PLEKHA7: variants seen among roughly 807,000 people sequenced by gnomAD.
PLEKHA7 encodes the protein pleckstrin homology domain containing A7.
A neutral mutation model predicts 170.0 loss-of-function variants in PLEKHA7; 104 were observed. The ratio of observed to expected loss-of-function variants is 0.61; its 90% CI spans 0.52 to 0.72. PLEKHA7 has a LOEUF of 0.72. PLEKHA7 is among the 30% of genes least tolerant of loss of function. The probability of loss-of-function intolerance (pLI) is 0.00; values close to 1 mark genes in which losing one functional copy is unlikely to be tolerated. For synonymous variants in PLEKHA7, 648 were observed against 660.8 expected, an observed-to-expected ratio of 0.98 and a Z score of 0.30; for missense variants, 1,615 against 1,671.7, an observed-to-expected ratio of 0.97 and a Z score of 0.59.
chr11:16,910,006 T>A (rs776093581), intron 3 of PLEKHA7, among the ~76,000 whole-genome samples: 1 of 152,064 alleles, frequency 6.6e-6, no homozygotes, highest in Non-Finnish European at 1.5e-5. Context: ...AGATCAAATT[T>A]AAAGTGGGAG....
chr11:16,791,241 G>A lies in PLEKHA7; in HGVS notation c.2746-42C>T, dbSNP rs776081453. On this transcript the variant is annotated intron_variant, in intron 19 of 26. Transcript: ENST00000531066. This position sits in a 1 kb window ranked among gnomAD's most constrained non-coding sequence, Gnocchi z 4.5. ...CCAGACCAGTGGTCAGCGAGACGGA[G>A]CTGGAGGGAGGACTGCTAGGTACTG... The A allele has an allele frequency of 9.8e-6, 15 of 1,530,918 alleles. No homozygotes were observed. Among genetic ancestry groups the A allele is most frequent in the Non-Finnish European group, 1.8e-6 (2 of 1,134,676 alleles). The allele number at this position is 1,530,918 out of a possible 1,614,324, so 94.8% of individuals were successfully genotyped here. A position where few individuals can be genotyped will look rare whatever the true frequency, so the allele number is the denominator to read the frequency against.
chr11:16,829,938 A>C (rs401820), intron 9 of PLEKHA7, among the ~76,000 whole-genome samples: 24,244 of 151,450 alleles, frequency 0.16, 2,347 homozygotes, highest in African/African-American at 0.27. Flanking sequence ...ATTAGTGTAA[A>C]CTGAACCAAC....
chr11:16,876,955 G>A (rs1345835287), intron 3 of PLEKHA7, among the ~76,000 whole-genome samples: 1 of 152,122 alleles, frequency 6.6e-6, no homozygotes, highest in Non-Finnish European at 1.5e-5. Context: ...TGATAAATCT[G>A]GTTTTCTGAC....
At chr11:16,922,312 C>T (rs1859157192) in intron 3 of PLEKHA7, among the ~76,000 whole-genome samples, 1 of 152,188 alleles carries the variant, frequency 6.6e-6, no homozygotes, top group African/African-American at 2.4e-5. Flanking sequence ...TTACAATCAT[C>T]TCATACAATT....
intron 3 of PLEKHA7, among the ~76,000 whole-genome samples, chr11:16,920,479 C>CAA (rs1244258942): frequency 6.6e-6 from 1 of 152,214 alleles, no homozygotes; most frequent in Non-Finnish European, 1.5e-5. Context: ...CAAAATCCAT[C>CAA]AAAATATGGA....
intron 3 of PLEKHA7, among the ~76,000 whole-genome samples, chr11:17,006,848 G>T (rs1865028985): frequency 1.3e-5 from 2 of 152,138 alleles, no homozygotes; most frequent in Admixed American, 1.3e-4. Flanking sequence ...TTTCCTAAGG[G>T]CCTTCTAGGC....
intron 9 of PLEKHA7, among the ~76,000 whole-genome samples, chr11:16,838,644 G>A (rs1276303395): frequency 2.0e-5 from 3 of 150,254 alleles, no homozygotes; most frequent in Admixed American, 2.0e-4. Context: ...ATCAACTATT[G>A]GCAAAGATAT....
chr11:16,898,357 A>C (rs1857124494), intron 3 of PLEKHA7, among the ~76,000 whole-genome samples: 1 of 152,184 alleles, frequency 6.6e-6, no homozygotes, highest in African/African-American at 2.4e-5. Context: ...TTCATAAAGT[A>C]TTTTCAATAA....
rs924055019 is a variant in PLEKHA7 at position 16,878,405 on chromosome 11, A to T, written c.222-7223T>A. ...GATAGCTCTACTTTACACACAGAGT[A>T]AAAAATAAGCTCCTTACCTTAGCTT... On this transcript the variant is annotated intron_variant, in intron 3 of 26. Transcript: ENST00000531066. Among the ~76,000 whole-genome samples, 3 of 152,198 alleles carry T rather than the reference A, an allele frequency of 2.0e-5. No individual in the cohort carries two copies. In the South Asian group the frequency reaches 6.2e-4, roughly 31 times the overall value.
intron 3 of PLEKHA7, among the ~76,000 whole-genome samples, chr11:16,999,697 T>C (rs1864550786): frequency 6.6e-6 from 1 of 151,944 alleles, no homozygotes; most frequent in Non-Finnish European, 1.5e-5. Context: ...TGAGCACCTA[T>C]CATGTGCTGA....
chr11:16,781,676 G>C (rs1339732223), intron 26 of PLEKHA7, among the ~76,000 whole-genome samples: 1 of 152,154 alleles, frequency 6.6e-6, no homozygotes, highest in African/African-American at 2.4e-5. Context: ...ACAGAGAACA[G>C]GTTTTGACTA....
intron 10 of PLEKHA7, among the ~76,000 whole-genome samples, chr11:16,823,009 T>A (rs992815297): frequency 3.1e-4 from 38 of 124,172 alleles, no homozygotes; most frequent in East Asian, 2.4e-4. Context: ...TTATTTATTT[T>A]TTGGAGACAG....
chr11:16,936,085 T>C (rs1860267642), intron 3 of PLEKHA7, among the ~76,000 whole-genome samples: 1 of 152,144 alleles, frequency 6.6e-6, no homozygotes, highest in Non-Finnish European at 1.5e-5. Context: ...GAAAGTTTAA[T>C]ATGATAATGA....
chr11:17,002,164 G>A (rs1409225642), intron 3 of PLEKHA7, among the ~76,000 whole-genome samples: 1 of 152,184 alleles, frequency 6.6e-6, no homozygotes, highest in Non-Finnish European at 1.5e-5. Context: ...GAGGCCCAAG[G>A]GGGCTTCTGC....
chr11:16,789,076 C>T lies in PLEKHA7; in HGVS notation c.3357+20G>A. 1 of 1,597,044 alleles carries T rather than the reference C, an allele frequency of 6.3e-7. No homozygotes were observed. The highest frequency in any genetic ancestry group is 8.5e-7 in the Non-Finnish European group (1 of 1,178,852). On this transcript the variant is annotated intron_variant, in intron 23 of 26. Transcript: ENST00000531066. This position sits in a 1 kb window ranked among gnomAD's most constrained non-coding sequence, Gnocchi z 4.6. ...TCGGCTCCCTGTCCCTGCCCCGCTG[C>T]CTGGCCCCTCCTAACATACTGAGCC...
At position 16,817,218 on chromosome 11, in the gene PLEKHA7, C is replaced by T. The variant is rs752097358; in HGVS notation, c.1448G>A (p.Gly483Asp). Residue 483 changes from glycine to aspartate, a missense_variant, in exon 11 of 27, where the codon GGC (glycine) becomes GAC (aspartate). Transcript: ENST00000531066. This position sits in a 1 kb window ranked among gnomAD's most constrained non-coding sequence, Gnocchi z 4.4. ...LPKSTRHPSG[G>D]SSPPPRNLPS... The stretch of plus-strand genomic sequence containing the variant: ...CAGGTTTCGGGGAGGTGGCGAGGAG[C>T]CCCCCGAGGGGTGTCGGGTGCTCTT... The T allele has an allele frequency of 7.4e-6, 12 of 1,613,668 alleles. No individual in the cohort carries two copies. In the East Asian group the frequency reaches 1.3e-4, roughly 18 times the overall value.
At chr11:16,867,195 T>C (rs990843399) in intron 4 of PLEKHA7, among the ~76,000 whole-genome samples, 5 of 152,166 alleles carry the variant, frequency 3.3e-5, no homozygotes, top group Non-Finnish European at 5.9e-5. Context: ...AACTCTTACC[T>C]GCATCAGAAT....
rs770642031 is a variant in PLEKHA7 at position 16,790,906 on chromosome 11, G to A, written c.2944C>T (p.Arg982Trp). The change falls in exon 21 of 27, where the codon CGG (arginine) becomes TGG (tryptophan). Residue 982 changes from arginine to tryptophan, a missense_variant. Coordinates refer to ENST00000531066, the MANE Select transcript of PLEKHA7 (RefSeq NM_001329630.2). ...CVNGDSRVEL[R>W]SYVSEPELAT... ...AGCTCAGGCTCACTGACATACGACC[G>A]CAGCTCCACCTGTGGGCAGAGTCCC... 22 of 1,613,080 alleles carry A rather than the reference G, an allele frequency of 1.4e-5. No homozygotes were observed. The highest frequency in any genetic ancestry group is 6.6e-5 in the South Asian group (6 of 90,986).
chr11:16,818,700 TG>T (rs1428793154), intron 10 of PLEKHA7, among the ~76,000 whole-genome samples: 1 of 152,250 alleles, frequency 6.6e-6, no homozygotes. Flanking sequence ...AAGAAAGTCC[TG>T]TGCGTAATTA....
Sources: allele counts gnomAD v4.1 joint callset (sites outside exome capture counted in the v4.1 genomes callset), GRCh38; gene constraint gnomAD v4.1.1; non-coding constraint Gnocchi (gnomAD v3.1); transcripts MANE v1.5; gene names NCBI Gene and HGNC (gene_info 2026-07-23, HGNC 2026-07-21).